COL6A6: variants seen among roughly 807,000 people sequenced by gnomAD.
The protein encoded by COL6A6 is collagen type VI alpha 6 chain, also known as collagen alpha-6(VI) chain.
Under a neutral mutation model 208.6 loss-of-function variants are expected in COL6A6, and 183 were observed. That is an observed-to-expected ratio of 0.88 (90% CI 0.78 to 0.99). The LOEUF is 0.99. Among genes scored for constraint, COL6A6 ranks in the 50% least tolerant of loss-of-function variants. The pLI, the probability that COL6A6 is intolerant of heterozygous loss-of-function variation, is 0.00. For synonymous variants in COL6A6, 973 were observed against 1,011.8 expected (o/e 0.96, Z 0.73); for missense variants, 2,816 against 2,815.2 (o/e 1.00, Z -0.01).
intron 1 of COL6A6, among the ~76,000 whole-genome samples, chr3:130,551,642 T>C (rs1288249705): frequency 6.6e-6 from 1 of 151,664 alleles, no homozygotes; most frequent in Non-Finnish European, 1.5e-5. Context: ...TTTTTTTTTT[T>C]TTTTCACATC....
intron 17 of COL6A6, 139 bp downstream of exon 17, chr3:130,593,391 C>A: frequency 2.8e-6 from 2 of 706,552 alleles, no homozygotes; most frequent in Non-Finnish European, 4.9e-6. Flanking sequence ...CAACGATGAA[C>A]ATTTATTTCT....
rs72996275 is a variant in COL6A6 at position 130,653,068 on chromosome 3, C to A, written c.5733+3506C>A. Among the ~76,000 whole-genome samples, 301 of 152,304 alleles carry A rather than the reference C, an allele frequency of 2.0e-3. 2 individuals are homozygous for A. The highest frequency in any genetic ancestry group is 7.0e-3 in the African/African-American group (291 of 41,550). The stretch of plus-strand genomic sequence containing the variant: ...GTGCCTTCCTTCACAAATGGAGGAC[C>A]ATTTTTTAATGGAAAAACATGTTTT... On this transcript the variant is annotated intron_variant, in intron 33 of 36. Coordinates refer to ENST00000358511, the MANE Select transcript of COL6A6 (RefSeq NM_001102608.3).
intron 1 of COL6A6, among the ~76,000 whole-genome samples, chr3:130,523,479 G>T (rs1336199998): frequency 3.3e-5 from 5 of 152,132 alleles, no homozygotes; most frequent in Admixed American, 2.0e-4. Context: ...ATGATCATGG[G>T]CAAGTCACCT....
In COL6A6 at chr3:130,604,494, C is replaced by CAA. The variant is rs559789872; in HGVS notation, c.4654-2419_4654-2418dup. Among the ~76,000 whole-genome samples, 522 of 83,922 alleles carry CAA rather than the reference C, an allele frequency of 6.2e-3. 4 individuals carry two copies. The highest frequency in any genetic ancestry group is 8.1e-3 in the Non-Finnish European group (322 of 39,558). 55.1% of individuals were successfully genotyped at this position (83,922 alleles called of 152,430 possible). On this transcript the variant is annotated intron_variant, in intron 20 of 36. Transcript: ENST00000358511. Reference sequence around the variant, plus strand: ...TGGGCGACAGAGCGAGACTCCGTCTCAAAAAAAAAAAAAAAAAAATTCCAT... The same window carrying CAA: ...TGGGCGACAGAGCGAGACTCCGTCTCAAAAAAAAAAAAAAAAAAAAATTCCAT...
At chr3:130,664,236 A>G (rs2066015243) in intron 35 of COL6A6, among the ~76,000 whole-genome samples, 1 of 152,228 alleles carries the variant, frequency 6.6e-6, no homozygotes. Flanking sequence ...AAAAAAATTA[A>G]AAATCAGGTG....
chr3:130,550,923 G>A (rs1255278898), intron 1 of COL6A6, among the ~76,000 whole-genome samples: 1 of 152,112 alleles, frequency 6.6e-6, no homozygotes, highest in Non-Finnish European at 1.5e-5. Context: ...ATAATCATGT[G>A]GTTTTTGTTT....
chr3:130,573,101 G>A (rs1024638238), intron 7 of COL6A6, among the ~76,000 whole-genome samples: 2 of 152,120 alleles, frequency 1.3e-5, no homozygotes, highest in East Asian at 1.9e-4. Context: ...CTGATAAAAA[G>A]GAAAACTGAC....
intron 23 of COL6A6, among the ~76,000 whole-genome samples, chr3:130,612,853 T>C (rs2064401694): frequency 6.6e-6 from 1 of 152,228 alleles, no homozygotes; most frequent in Non-Finnish European, 1.5e-5. Context: ...TCATATCCTT[T>C]GCACACATTT....
At chr3:130,657,367 GC>G (rs1451250855) in intron 33 of COL6A6, among the ~76,000 whole-genome samples, 1 of 152,220 alleles carries the variant, frequency 6.6e-6, no homozygotes, top group Admixed American at 6.5e-5. Flanking sequence ...AAATCGAGCA[GC>G]CCTCAGAACC....
At chr3:130,650,345 G>A (rs1180214107) in intron 33 of COL6A6, among the ~76,000 whole-genome samples, 1 of 152,180 alleles carries the variant, frequency 6.6e-6, no homozygotes, top group Admixed American at 6.5e-5. Flanking sequence ...GTCCAGGGCC[G>A]GGAGCGGTGG....
chr3:130,672,663 C>T (rs1046464652), intron 36 of COL6A6, among the ~76,000 whole-genome samples: 13 of 151,618 alleles, frequency 8.6e-5, no homozygotes, highest in Non-Finnish European at 1.9e-4. Context: ...CTCAGCCTCC[C>T]AAAGTGCTAG....
chr3:130,588,967 T>G, intron 11 of COL6A6, 123 bp from the exon 12 acceptor site: 1 of 484,660 alleles, frequency 2.1e-6, no homozygotes, highest in Non-Finnish European at 3.6e-6. Context: ...TAAAGCACAG[T>G]CATTTGAATG....
At chr3:130,618,396 G>A (rs747388118) in intron 23 of COL6A6, among the ~76,000 whole-genome samples, 1 of 152,180 alleles carries the variant, frequency 6.6e-6, no homozygotes, top group Non-Finnish European at 1.5e-5. Context: ...CACAAAATAT[G>A]AATGCTCAAT....
In COL6A6 at chr3:130,571,362, G is replaced by A; in HGVS notation, c.2946G>A (p.Val982=). The A allele has an allele frequency of 1.9e-6, 3 of 1,592,838 alleles. No homozygotes were observed. Among genetic ancestry groups the A allele is most frequent in the Non-Finnish European group, 2.6e-6 (3 of 1,171,594 alleles). The change falls in exon 7 of 37, where the codon GTG becomes GTA. Residue 982 remains valine, a synonymous_variant. Coordinates refer to ENST00000358511, the MANE Select transcript of COL6A6 (RefSeq NM_001102608.3). ...FGGLKGIFSD[V]TASVCNSSKV... is the part of the protein sequence containing the mutation. ...GTCTGAAGGGAATATTTTCAGATGT[G>A]ACAGCCAGTGTCTGCAACTCTTCAA...
At chr3:130,549,347 A>G (rs2062591918) in intron 1 of COL6A6, among the ~76,000 whole-genome samples, 1 of 152,122 alleles carries the variant, frequency 6.6e-6, no homozygotes, top group Non-Finnish European at 1.5e-5. Context: ...TTATAGAGAT[A>G]GGCTCTCACT....
intron 35 of COL6A6, among the ~76,000 whole-genome samples, chr3:130,664,364 A>G (rs2066019436): frequency 6.6e-6 from 1 of 152,246 alleles, no homozygotes; most frequent in South Asian, 2.1e-4. Flanking sequence ...CTTGCTACTT[A>G]TGATGACCCT....
In COL6A6 at chr3:130,560,368, A is replaced by ATG. The variant is rs761373497; in HGVS notation, c.6_7dup (p.Leu3CysfsTer3). On this transcript the variant is annotated frameshift_variant, in exon 2 of 37. Coordinates refer to ENST00000358511, the MANE Select transcript of COL6A6 (RefSeq NM_001102608.3). LOFTEE classifies it high-confidence loss of function. ...TGAAGATTTTTCAGGTCATAATATG[A>ATG]TGTTGCTAATTTTGTTCCTCGTGAT... 2.5e-6 allele frequency: 4 copies of ATG among 1,611,210 alleles called. No individual in the cohort carries two copies. In the South Asian group the frequency reaches 4.4e-5, roughly 18 times the overall value.
At chr3:130,576,595 T>C (rs577990128) in intron 8 of COL6A6, among the ~76,000 whole-genome samples, 2 of 151,888 alleles carry the variant, frequency 1.3e-5, no homozygotes, top group Non-Finnish European at 2.9e-5. Flanking sequence ...AAGAAAACCA[T>C]GTGGAAAGTA....
intron 1 of COL6A6, among the ~76,000 whole-genome samples, chr3:130,519,222 C>T (rs1343943924): frequency 2.0e-5 from 3 of 151,980 alleles, no homozygotes; most frequent in Non-Finnish European, 4.4e-5. Flanking sequence ...AAAATTGGTG[C>T]CTTATTTAAT....
Sources: allele counts gnomAD v4.1 joint callset (sites outside exome capture counted in the v4.1 genomes callset), GRCh38; gene constraint gnomAD v4.1.1; transcripts MANE v1.5; gene names NCBI Gene and HGNC (gene_info 2026-07-23, HGNC 2026-07-21).